BMAL1: variants seen among roughly 807,000 people sequenced by gnomAD.
BMAL1 encodes the protein basic helix-loop-helix ARNT like 1.
At chr11:13,351,075 G>A in the BMAL1 span, among the ~76,000 whole-genome samples, 1 of 152,178 alleles carries the variant, frequency 6.6e-6, no homozygotes, top group East Asian at 1.9e-4. Flanking sequence ...GTAGATTATT[G>A]TAGGTCACAT....
chr11:13,377,662 A>G, the BMAL1 span, among the ~76,000 whole-genome samples: 10 of 152,264 alleles, frequency 6.6e-5, no homozygotes, highest in East Asian at 1.4e-3. Context: ...AAACTGTCCA[A>G]ATTCGTTAGT....
At chr11:13,355,428 T>C in the BMAL1 span, 2 of 899,382 alleles carry the variant, frequency 2.2e-6, no homozygotes, top group Admixed American at 3.8e-5. Flanking sequence ...ACAAACCCTT[T>C]GTCTTGAGCA....
At chr11:13,312,706 A>G in the BMAL1 span, among the ~76,000 whole-genome samples, 7 of 152,144 alleles carry the variant, frequency 4.6e-5, no homozygotes, top group Non-Finnish European at 8.8e-5. Context: ...GCAGGCTCCT[A>G]TTTTGTCTTG....
At chr11:13,350,468 C>T in the BMAL1 span, among the ~76,000 whole-genome samples, 1 of 152,044 alleles carries the variant, frequency 6.6e-6, no homozygotes, top group Non-Finnish European at 1.5e-5. Flanking sequence ...AAATAAAGAG[C>T]AGTAGGAGAG....
the BMAL1 span, chr11:13,277,040 G>A: frequency 6.6e-6 from 1 of 152,256 alleles, no homozygotes; most frequent in East Asian, 1.9e-4. Context: ...AGCTCCAGTG[G>A]GACACTTGGA....
the BMAL1 span, among the ~76,000 whole-genome samples, chr11:13,316,438 A>G: frequency 1.3e-5 from 2 of 152,322 alleles, 1 homozygote; most frequent in East Asian, 3.9e-4. Context: ...TAGTAGATAC[A>G]TCATAGCTCT....
the BMAL1 span, among the ~76,000 whole-genome samples, chr11:13,363,756 A>G: frequency 0.066 from 10,052 of 152,222 alleles, 500 homozygotes; most frequent in African/African-American, 0.14. Context: ...TGTGTCTTTT[A>G]TTAACCAGCA....
the BMAL1 span, among the ~76,000 whole-genome samples, chr11:13,322,541 C>T: frequency 1.6e-3 from 240 of 152,228 alleles, no homozygotes; most frequent in South Asian, 2.7e-3. Flanking sequence ...AAGAGGAAAA[C>T]TCCATTCATT....
the BMAL1 span, among the ~76,000 whole-genome samples, chr11:13,362,034 G>A: frequency 6.6e-6 from 1 of 152,208 alleles, no homozygotes; most frequent in Admixed American, 6.5e-5. Flanking sequence ...AGCCTCCCTG[G>A]TGGAGACAGG....
the BMAL1 span, among the ~76,000 whole-genome samples, chr11:13,317,014 G>A: frequency 7.7e-4 from 117 of 152,264 alleles, 1 homozygote; most frequent in African/African-American, 2.7e-3. Context: ...CTGTAAAATG[G>A]GATTGTAATC....
the BMAL1 span, among the ~76,000 whole-genome samples, chr11:13,302,526 A>C: frequency 1.3e-5 from 2 of 152,306 alleles, no homozygotes; most frequent in East Asian, 1.9e-4. Flanking sequence ...GACTTCCCCC[A>C]TCTAAATGCT....
the BMAL1 span, chr11:13,358,425 G>A: frequency 1.2e-5 from 18 of 1,537,726 alleles, no homozygotes; most frequent in African/African-American, 8.4e-5. Context: ...TTTTCATATT[G>A]TTGTTCAGGG....
At chr11:13,331,994 G>GC in the BMAL1 span, among the ~76,000 whole-genome samples, 1 of 152,322 alleles carries the variant, frequency 6.6e-6, no homozygotes, top group African/African-American at 2.4e-5. Flanking sequence ...GTAGCGGCTA[G>GC]CATGGAGAGG....
the BMAL1 span, among the ~76,000 whole-genome samples, chr11:13,301,173 G>T: frequency 2.6e-5 from 4 of 152,186 alleles, no homozygotes; most frequent in Admixed American, 1.3e-4. Context: ...CTGACCTCAT[G>T]ATCTACCTGC....
At chr11:13,375,528 A>G in the BMAL1 span, 1 of 1,185,278 alleles carries the variant, frequency 8.4e-7, no homozygotes, top group Non-Finnish European at 1.1e-6. Context: ...GAGCTCAAGT[A>G]CCTTTAATAT....
the BMAL1 span, among the ~76,000 whole-genome samples, chr11:13,325,733 T>C: frequency 6.6e-6 from 1 of 151,270 alleles, no homozygotes; most frequent in African/African-American, 2.4e-5. Flanking sequence ...TTCAACCCTC[T>C]CCAAATTTTG....
At chr11:13,343,106 A>G in the BMAL1 span, among the ~76,000 whole-genome samples, 2 of 152,196 alleles carry the variant, frequency 1.3e-5, no homozygotes, top group South Asian at 2.1e-4. Context: ...CAGGAGACCA[A>G]TGACACATAC....
chr11:13,316,760 T>C, the BMAL1 span, among the ~76,000 whole-genome samples: 6 of 152,172 alleles, frequency 3.9e-5, no homozygotes, highest in Non-Finnish European at 8.8e-5. Flanking sequence ...TCTGACCAAA[T>C]GGGGAAAGTG....
chr11:13,283,476 A>C, the BMAL1 span, among the ~76,000 whole-genome samples: 1 of 152,180 alleles, frequency 6.6e-6, no homozygotes, highest in Admixed American at 6.5e-5. Flanking sequence ...TCCTTACTTC[A>C]CAAATGAGGT....
Sources: allele counts gnomAD v4.1 joint callset (sites outside exome capture counted in the v4.1 genomes callset), GRCh38; gene constraint gnomAD v4.1.1; transcripts MANE v1.5; gene names NCBI Gene and HGNC (gene_info 2026-07-23, HGNC 2026-07-21).